Variants in CNTN5 observed in about 807,000 individuals in gnomAD.
CNTN5 encodes contactin 5, also known as contactin-5.
CNTN5 carries 77 observed loss-of-function variants against 129.1 expected under a neutral mutation model. The ratio of observed to expected loss-of-function variants is 0.60; its 90% CI spans 0.50 to 0.72. The LOEUF (loss-of-function observed/expected upper bound fraction) is 0.72. Ranked by LOEUF, CNTN5 falls within the 30% of genes least tolerant of loss-of-function variation. CNTN5 has a pLI of 0.00. For missense variants in CNTN5, 1,478 were observed against 1,328.8 expected (o/e 1.11, Z -1.75); for synonymous variants, 509 against 465.6 (o/e 1.09, Z -1.20).
chr11:99,144,760 T>A (rs539199015), intron 1 of CNTN5, among the ~76,000 whole-genome samples: 47 of 152,306 alleles, frequency 3.1e-4, no homozygotes, highest in South Asian at 1.0e-3. Flanking sequence ...TTCCAGTATG[T>A]CTTTTTTTAA....
rs117514825 is a variant in CNTN5, at chr11:100,163,767, G to A, written c.1581-27359G>A. Among the ~76,000 whole-genome samples the A allele has an allele frequency of 7.5e-4, 114 of 151,746 alleles. 1 individual carries two copies. The East Asian group carries it at 0.021, about 28-fold the overall frequency. On this transcript the variant is annotated intron_variant, in intron 13 of 24. Coordinates refer to ENST00000524871, the MANE Select transcript of CNTN5 (RefSeq NM_014361.4). ...CCTCTGATTTAGTTTTCTCTGTTTT[G>A]AATAGTTTACCTCATTAGGACCTTC...
At chr11:100,329,534 C>G (rs1342842156) in intron 21 of CNTN5, among the ~76,000 whole-genome samples, 2 of 152,212 alleles carry the variant, frequency 1.3e-5, no homozygotes, top group African/African-American at 2.4e-5. Flanking sequence ...AAACTGCACA[C>G]TAAACAAAAG....
At chr11:100,188,482 GA>G (rs1326332592) in intron 13 of CNTN5, among the ~76,000 whole-genome samples, 1 of 151,846 alleles carries the variant, frequency 6.6e-6, no homozygotes, top group Non-Finnish European at 1.5e-5. Flanking sequence ...ACAAACATAC[GA>G]AAAAATGATC....
chr11:100,299,333 G>C lies in CNTN5; in HGVS notation c.2557G>C (p.Val853Leu). 1 of 1,610,462 alleles carries C rather than the reference G, an allele frequency of 6.2e-7. No homozygotes were observed. The highest frequency in any genetic ancestry group is 1.1e-5 in the South Asian group (1 of 90,998). Residue 853 changes from valine to leucine, a missense_variant, in exon 20 of 25, where the codon GTT becomes CTT. Coordinates refer to ENST00000524871, the MANE Select transcript of CNTN5 (RefSeq NM_014361.4). ...PLTPFEVKVGVYNNKGDGPFS... is the reference protein window; with the variant it reads ...PLTPFEVKVGLYNNKGDGPFS... ...TACTCCCTTTGAAGTGAAAGTTGGC[G>C]TTTATAACAATAAAGGAGATGGGCC... is the stretch of plus-strand genomic sequence containing the variant.
intron 24 of CNTN5, 99 bp from the exon 25 acceptor site, chr11:100,356,018 C>A (rs561650788): frequency 9.7e-6 from 7 of 724,880 alleles, no homozygotes; most frequent in Non-Finnish European, 1.7e-5. Flanking sequence ...GAAACAGGAG[C>A]GATCTTGCAC....
intron 6 of CNTN5, among the ~76,000 whole-genome samples, chr11:99,847,160 T>G (rs773764809): frequency 6.6e-6 from 1 of 152,246 alleles, no homozygotes; most frequent in Non-Finnish European, 1.5e-5. Flanking sequence ...CTATAGCCTG[T>G]ATGTCAGTTG....
At chr11:99,063,550 A>G (rs2135221274) in intron 1 of CNTN5, among the ~76,000 whole-genome samples, 1 of 128,852 alleles carries the variant, frequency 7.8e-6, no homozygotes, top group Non-Finnish European at 1.7e-5. Flanking sequence ...ATAAATAAAT[A>G]AACGCATGAG....
intron 3 of CNTN5, among the ~76,000 whole-genome samples, chr11:99,642,763 C>G (rs1951817629): frequency 6.6e-6 from 1 of 152,092 alleles, no homozygotes; most frequent in South Asian, 2.1e-4. Flanking sequence ...TCCCCTCTAC[C>G]CTCTCAGCCT....
chr11:99,883,011 C>T (rs1275004585), intron 6 of CNTN5, among the ~76,000 whole-genome samples: 1 of 152,150 alleles, frequency 6.6e-6, no homozygotes, highest in African/African-American at 2.4e-5. Context: ...AACATAACAA[C>T]CTCTAGTTCC....
chr11:99,612,645 T>C (rs1485518891), intron 3 of CNTN5, among the ~76,000 whole-genome samples: 4 of 152,232 alleles, frequency 2.6e-5, no homozygotes, highest in East Asian at 1.9e-4. Context: ...CTTTACAAAA[T>C]TGAAAGGTTC....
intron 15 of CNTN5, among the ~76,000 whole-genome samples, chr11:100,213,633 T>C (rs1358440739): frequency 6.6e-6 from 1 of 152,196 alleles, no homozygotes; most frequent in Non-Finnish European, 1.5e-5. Flanking sequence ...ACCTTGAACT[T>C]TTCATAGTTG....
chr11:99,028,886 T>C (rs1416575211), intron 1 of CNTN5, among the ~76,000 whole-genome samples: 1 of 151,860 alleles, frequency 6.6e-6, no homozygotes, highest in African/African-American at 2.4e-5. Context: ...CGTTTCCAAA[T>C]AGTAATAGTA....
intron 3 of CNTN5, among the ~76,000 whole-genome samples, chr11:99,681,344 T>G (rs975403638): frequency 1.3e-4 from 19 of 151,846 alleles, no homozygotes; most frequent in Non-Finnish European, 2.9e-5. Context: ...AAGAATTTTT[T>G]TGTGAAAGGA....
At chr11:100,231,831 C>T (rs968559226) in intron 16 of CNTN5, among the ~76,000 whole-genome samples, 5 of 152,142 alleles carry the variant, frequency 3.3e-5, no homozygotes, top group African/African-American at 9.7e-5. Context: ...GCATTGTTCA[C>T]ATTTTAAAGT....
At chr11:99,984,380 A>C (rs1030938156) in intron 8 of CNTN5, among the ~76,000 whole-genome samples, 1 of 152,078 alleles carries the variant, frequency 6.6e-6, no homozygotes, top group African/African-American at 2.4e-5. Flanking sequence ...GAAGAAAAGA[A>C]AGAAAAGAAA....
intron 21 of CNTN5, among the ~76,000 whole-genome samples, chr11:100,322,320 T>C (rs2138964072): frequency 6.6e-6 from 1 of 152,184 alleles, no homozygotes; most frequent in South Asian, 2.1e-4. Flanking sequence ...CCTCCTGGGT[T>C]CACGCCATTT....
chr11:100,136,428 G>A (rs558747865), intron 13 of CNTN5, among the ~76,000 whole-genome samples: 242 of 152,150 alleles, frequency 1.6e-3, no homozygotes, highest in African/African-American at 5.1e-3. Context: ...AATTTAGTTT[G>A]AGGAATTAAA....
intron 15 of CNTN5, among the ~76,000 whole-genome samples, chr11:100,209,249 G>A (rs895328691): frequency 1.3e-5 from 2 of 152,190 alleles, no homozygotes; most frequent in Admixed American, 6.5e-5. Context: ...TATGTGTGGT[G>A]TGATGTGGAG....
At chr11:100,031,205 C>T (rs1941690867) in intron 9 of CNTN5, among the ~76,000 whole-genome samples, 1 of 152,164 alleles carries the variant, frequency 6.6e-6, no homozygotes, top group African/African-American at 2.4e-5. Flanking sequence ...TTCTATATCA[C>T]ACGAAACTAT....
Sources: gnomAD v4.1 joint callset for allele counts (sites outside exome capture counted in the v4.1 genomes callset) on GRCh38, gnomAD v4.1.1 for gene constraint, MANE v1.5 for transcripts, NCBI Gene and HGNC (gene_info 2026-07-23, HGNC 2026-07-21) for gene names.